Variants in ZNF831 observed in about 807,000 individuals in gnomAD.
ZNF831 encodes zinc finger protein 831, also known as chromosome 20 open reading frame 174.
Under a neutral mutation model 95.8 loss-of-function variants are expected in ZNF831, and 59 were observed. The ratio of observed to expected loss-of-function variants is 0.62; its 90% CI spans 0.50 to 0.77. The LOEUF is 0.77. Among genes scored for constraint, ZNF831 ranks in the 30% least tolerant of loss-of-function variants. The pLI, the probability that ZNF831 is intolerant of heterozygous loss-of-function variation, is 0.00. For missense variants in ZNF831, 2,205 were observed against 2,164.0 expected (o/e 1.02, Z -0.38); for synonymous variants, 961 against 925.5 (o/e 1.04, Z -0.70).
At chr20:59,224,650 C>A (rs144445555) in intron 4 of ZNF831, among the ~76,000 whole-genome samples, 1 of 152,148 alleles carries the variant, frequency 6.6e-6, no homozygotes, top group Non-Finnish European at 1.5e-5. Flanking sequence ...CTCTGACTTT[C>A]GATTGTTTCT....
rs190309215 is a variant in ZNF831, at chr20:59,253,188, A to G, written c.4188+50A>G. On this transcript the variant is annotated intron_variant, in intron 5 of 5. Coordinates refer to ENST00000371030, the MANE Select transcript of ZNF831 (RefSeq NM_178457.3). ...CTCTACCTATTCCTGGTCTAGATGTATAGCCCTGCTTGTTCTTGCTGCTCT... is the reference window on the plus strand; with the variant it reads ...CTCTACCTATTCCTGGTCTAGATGTGTAGCCCTGCTTGTTCTTGCTGCTCT... 6.3e-5 allele frequency: 100 copies of G among 1,594,446 alleles called. No homozygotes were observed. In the Admixed American group the frequency reaches 1.5e-3, roughly 24 times the overall value.
chr20:59,221,773 A>G (rs1601416737), intron 4 of ZNF831, among the ~76,000 whole-genome samples: 3 of 152,264 alleles, frequency 2.0e-5, no homozygotes, highest in Middle Eastern at 6.8e-3. Flanking sequence ...TGATTTTTGT[A>G]CCACCCTCCA....
intron 4 of ZNF831, among the ~76,000 whole-genome samples, chr20:59,231,992 A>G (rs1986749998): frequency 6.6e-6 from 1 of 152,198 alleles, no homozygotes; most frequent in Admixed American, 6.5e-5. Context: ...TTATTTGTAT[A>G]TATTTTGCTG....
chr20:59,252,259 A>T (rs980807785), intron 4 of ZNF831, among the ~76,000 whole-genome samples: 2 of 152,132 alleles, frequency 1.3e-5, no homozygotes, highest in African/African-American at 4.8e-5. Flanking sequence ...AATAAAAGCA[A>T]ATTTAAAAGT....
rs372009778 is a variant in ZNF831, at chr20:59,130,052, C to T, written c.-1425+6547C>T. 3.9e-5 allele frequency among the ~76,000 whole-genome samples: 6 copies of T among 152,334 alleles called. No homozygotes were observed. The East Asian group carries it at 9.6e-4, about 24-fold the overall frequency. ...GTGTGGTTAGAGCAGAAATGAACCA[C>T]CTGGCCTTGGTTTCCTCATTTGTAA... is the stretch of plus-strand genomic sequence containing the variant. On this transcript the variant is annotated intron_variant, in intron 1 of 7. Transcript: ENST00000637017.
chr20:59,233,291 C>T (rs1986837331), intron 4 of ZNF831, among the ~76,000 whole-genome samples: 1 of 152,144 alleles, frequency 6.6e-6, no homozygotes, highest in Admixed American at 6.5e-5. Flanking sequence ...GTGGCTGGCG[C>T]AGTGAGCTCA....
At chr20:59,231,587 T>C (rs1365354501) in intron 4 of ZNF831, among the ~76,000 whole-genome samples, 1 of 152,242 alleles carries the variant, frequency 6.6e-6, no homozygotes, top group African/African-American at 2.4e-5. Context: ...CTGAAGAAAG[T>C]AAGTGATACT....
intron 1 of ZNF831, among the ~76,000 whole-genome samples, chr20:59,183,275 G>A (rs1480055821): frequency 6.6e-6 from 1 of 152,186 alleles, no homozygotes; most frequent in East Asian, 1.9e-4. Context: ...GCCTGGACTT[G>A]CCAGCACCTC....
At chr20:59,240,783 C>G (rs566316508) in intron 4 of ZNF831, among the ~76,000 whole-genome samples, 1 of 152,122 alleles carries the variant, frequency 6.6e-6, no homozygotes, top group Non-Finnish European at 1.5e-5. Flanking sequence ...GCCTGGGCGA[C>G]AGAGCGAGCC....
At chr20:59,150,001 C>T (rs1047871017) in intron 2 of ZNF831, among the ~76,000 whole-genome samples, 13 of 152,356 alleles carry the variant, frequency 8.5e-5, no homozygotes, top group South Asian at 4.1e-4. Flanking sequence ...TGACCTGCTA[C>T]GGGCCTCACA....
intron 1 of ZNF831, among the ~76,000 whole-genome samples, chr20:59,140,656 TC>T (rs1979650283): frequency 6.6e-6 from 1 of 152,184 alleles, no homozygotes; most frequent in Non-Finnish European, 1.5e-5. Context: ...AGAGTGACTG[TC>T]CCATTTTACA....
chr20:59,154,626 G>C (rs142128092), intron 2 of ZNF831, among the ~76,000 whole-genome samples: 1 of 152,294 alleles, frequency 6.6e-6, no homozygotes, highest in Non-Finnish European at 1.5e-5. Flanking sequence ...AACTTCTCCT[G>C]TGGCCTAAGC....
At chr20:59,138,927 T>G (rs1258760879) in intron 1 of ZNF831, among the ~76,000 whole-genome samples, 5 of 152,194 alleles carry the variant, frequency 3.3e-5, no homozygotes, top group Non-Finnish European at 7.3e-5. Context: ...ACTCTCTTAT[T>G]TTTCAGACTG....
At chr20:59,143,372 G>A (rs533648354) in intron 1 of ZNF831, among the ~76,000 whole-genome samples, 1 of 152,360 alleles carries the variant, frequency 6.6e-6, no homozygotes, top group South Asian at 2.1e-4. Context: ...TGATGGAACT[G>A]GCTAGTGTGA....
chr20:59,142,806 T>G (rs1288428170), intron 1 of ZNF831, among the ~76,000 whole-genome samples: 1 of 152,264 alleles, frequency 6.6e-6, no homozygotes, highest in Non-Finnish European at 1.5e-5. Flanking sequence ...TCTCAGCCAT[T>G]GAATTAATTT....
chr20:59,164,843 G>A (rs1981126591), intron 1 of ZNF831, among the ~76,000 whole-genome samples: 1 of 152,136 alleles, frequency 6.6e-6, no homozygotes, highest in Non-Finnish European at 1.5e-5. Context: ...GAGGTAACGT[G>A]TTTCTCCTTT....
intron 1 of ZNF831, among the ~76,000 whole-genome samples, chr20:59,175,550 A>G (rs1264884150): frequency 6.6e-6 from 1 of 151,148 alleles, no homozygotes; most frequent in Non-Finnish European, 1.5e-5. Flanking sequence ...GCATCCACTG[A>G]GTTTTTACAT....
At chr20:59,221,585 G>C (rs1413425062) in intron 4 of ZNF831, among the ~76,000 whole-genome samples, 1 of 152,186 alleles carries the variant, frequency 6.6e-6, no homozygotes, top group African/African-American at 2.4e-5. Context: ...CTAATTTTCA[G>C]TATGGCCCCG....
At position 59,192,105 on chromosome 20, in the gene ZNF831, C is replaced by A. The variant is rs2146559858; in HGVS notation, c.1086C>A (p.Pro362=). The change falls in exon 2 of 6, where the codon CCC becomes CCA. Residue 362 remains proline (P), a synonymous_variant. Coordinates refer to ENST00000371030, the MANE Select transcript of ZNF831 (RefSeq NM_178457.3). This position sits in a 1 kb window ranked among gnomAD's most constrained non-coding sequence, Gnocchi z 5.2. ...AGCAGCCGCATGCGCCCTGCAGCCCCCTGCACAGCCTTTCGGAGCACAGCG... is the reference window on the plus strand; with the variant it reads ...AGCAGCCGCATGCGCCCTGCAGCCCACTGCACAGCCTTTCGGAGCACAGCG... ...SAEQPHAPCS[P]LHSLSEHSAE... The A allele has an allele frequency of 6.3e-7, 1 of 1,587,328 alleles. No homozygotes were observed. The highest frequency in any genetic ancestry group is 1.1e-5 in the South Asian group (1 of 88,320).
Sources: allele counts gnomAD v4.1 joint callset (sites outside exome capture counted in the v4.1 genomes callset), GRCh38; gene constraint gnomAD v4.1.1; non-coding constraint Gnocchi (gnomAD v3.1); transcripts MANE v1.5; gene names NCBI Gene and HGNC (gene_info 2026-07-23, HGNC 2026-07-21).